Variants in MYT1L observed in about 807,000 individuals in gnomAD.
MYT1L encodes the protein myelin transcription factor 1 like.
A neutral mutation model predicts 126.7 loss-of-function variants in MYT1L; 12 were observed. That is an observed-to-expected ratio of 0.09 (90% CI 0.06 to 0.15). The LOEUF (loss-of-function observed/expected upper bound fraction) is 0.15, where lower values mean the gene tolerates loss of function less well. Among genes scored for constraint, MYT1L ranks in the 10% least tolerant of loss-of-function variants. The probability of loss-of-function intolerance (pLI) is 1.00; values close to 1 mark genes in which losing one functional copy is unlikely to be tolerated. For missense variants in MYT1L, 979 were observed against 1,585.2 expected, an observed-to-expected ratio of 0.62 and a Z score of 6.49; for synonymous variants, 541 against 604.2, an observed-to-expected ratio of 0.90 and a Z score of 1.53.
chr2:2,068,540 A>G (rs2074157821), intron 3 of MYT1L, among the ~76,000 whole-genome samples: 1 of 152,204 alleles, frequency 6.6e-6, no homozygotes, highest in African/African-American at 2.4e-5. Context: ...CATCATTTAA[A>G]TCCTCAATAA....
intron 3 of MYT1L, among the ~76,000 whole-genome samples, chr2:2,086,616 C>T (rs929007347): frequency 5.3e-5 from 8 of 152,156 alleles, no homozygotes; most frequent in Non-Finnish European, 1.2e-4. Context: ...ACCCCCTTAG[C>T]TGAAGGTCCC....
intron 4 of MYT1L, among the ~76,000 whole-genome samples, chr2:2,014,260 G>A (rs1028613175): frequency 7.9e-5 from 12 of 151,162 alleles, no homozygotes; most frequent in Admixed American, 3.3e-4. Flanking sequence ...GGCAAATTGG[G>A]GATTTAATGC....
At chr2:2,225,380 C>G (rs1268864260) in intron 2 of MYT1L, among the ~76,000 whole-genome samples, 1 of 152,082 alleles carries the variant, frequency 6.6e-6, no homozygotes, top group Non-Finnish European at 1.5e-5. Flanking sequence ...TTGAAAGCTC[C>G]CAAGGCAGCA....
intron 14 of MYT1L, 38 bp from the exon 15 acceptor site, chr2:1,892,325 C>T (rs975592689): frequency 2.0e-6 from 3 of 1,537,580 alleles, no homozygotes; most frequent in African/African-American, 1.4e-5. Flanking sequence ...AGGCCCCGGC[C>T]GCAGGGCACA....
At chr2:2,015,522 T>C (rs1160956259) in intron 4 of MYT1L, among the ~76,000 whole-genome samples, 3 of 152,282 alleles carry the variant, frequency 2.0e-5, no homozygotes, top group East Asian at 1.9e-4. Context: ...CTTTGGGCCT[T>C]CCAAGCAAAA....
intron 3 of MYT1L, among the ~76,000 whole-genome samples, chr2:2,072,474 C>A (rs770039024): frequency 6.6e-6 from 1 of 152,188 alleles, no homozygotes; most frequent in African/African-American, 2.4e-5. Context: ...GTCCTCAATT[C>A]TGCCAGAAAA....
chr2:2,063,747 G>T (rs2070851608), intron 3 of MYT1L, among the ~76,000 whole-genome samples: 2 of 152,152 alleles, frequency 1.3e-5, no homozygotes, highest in South Asian at 4.1e-4. Context: ...GGTATGCTGA[G>T]GGAGGAGAAT....
At chr2:2,216,026 T>C (rs1403350927) in intron 2 of MYT1L, among the ~76,000 whole-genome samples, 5 of 151,542 alleles carry the variant, frequency 3.3e-5, no homozygotes, top group Admixed American at 3.3e-4. Flanking sequence ...CTCTCTCTCT[T>C]TTGTGTCTGT....
rs1321824510 is a variant in MYT1L, at chr2:1,889,719, TCTCC to T, written c.2284-246_2284-243del. 1.3e-5 allele frequency among the ~76,000 whole-genome samples: 2 copies of T among 152,062 alleles called. No individual in the cohort carries two copies. The highest frequency in any genetic ancestry group is 6.6e-5 in the Admixed American group (1 of 15,252). On this transcript the variant is annotated intron_variant, in intron 15 of 24. Coordinates refer to ENST00000647738, the MANE Select transcript of MYT1L (RefSeq NM_001303052.2). This position sits in a 1 kb window ranked among gnomAD's most constrained non-coding sequence, Gnocchi z 4.1. The stretch of plus-strand genomic sequence containing the variant: ...CCAGGCATCCATCCCGCCATCCCTC[TCTCC>T]CTCCCTCCCTCCATTTCCCTATTTA...
chr2:1,937,858 C>T (rs908782507), intron 9 of MYT1L, among the ~76,000 whole-genome samples: 4 of 152,162 alleles, frequency 2.6e-5, no homozygotes, highest in African/African-American at 9.7e-5. Flanking sequence ...GGCCAGCAGC[C>T]CAGGACACCA....
chr2:2,252,019 T>C (rs962429252), intron 2 of MYT1L, among the ~76,000 whole-genome samples: 1 of 151,896 alleles, frequency 6.6e-6, no homozygotes, highest in Non-Finnish European at 1.5e-5. Flanking sequence ...TGAAATGAGA[T>C]TTACCTGAAG....
chr2:2,236,002 A>G (rs1176075008), intron 2 of MYT1L, among the ~76,000 whole-genome samples: 1 of 152,146 alleles, frequency 6.6e-6, no homozygotes, highest in East Asian at 1.9e-4. Flanking sequence ...TACCCTTCAT[A>G]TTCCCAAAGG....
At chr2:2,271,800 C>A (rs1024520133) in intron 2 of MYT1L, among the ~76,000 whole-genome samples, 7 of 152,166 alleles carry the variant, frequency 4.6e-5, no homozygotes, top group Admixed American at 4.6e-4. Flanking sequence ...GGATGCCATG[C>A]CCATGACCTC....
intron 8 of MYT1L, among the ~76,000 whole-genome samples, chr2:1,965,005 T>C (rs2059229311): frequency 6.6e-6 from 1 of 152,236 alleles, no homozygotes; most frequent in African/African-American, 2.4e-5. Flanking sequence ...TGAAAATGGC[T>C]GTGAGAGCTC....
At chr2:1,906,232 T>C (rs552210831) in intron 13 of MYT1L, among the ~76,000 whole-genome samples, 1 of 152,340 alleles carries the variant, frequency 6.6e-6, no homozygotes, top group African/African-American at 2.4e-5. Context: ...AGTTAGAATC[T>C]TACACTTTTA....
Position 1,917,124 on chromosome 2 carries a change from A to T in MYT1L, c.1618+81T>A. 4 of 1,513,150 alleles carry T rather than the reference A, an allele frequency of 2.6e-6. No homozygotes were observed. Among genetic ancestry groups the T allele is most frequent in the Non-Finnish European group, 2.7e-6 (3 of 1,111,286 alleles). 93.7% of individuals were successfully genotyped at this position (1,513,150 alleles called of 1,614,324 possible). On this transcript the variant is annotated intron_variant, in intron 11 of 24. Transcript: ENST00000647738. The surrounding 1 kb of genome is among the most constrained non-coding windows in gnomAD (Gnocchi z 5.9). ...GGTCGCACCGAGCCGTACAATGGAG[A>T]TGATGTCAGGTAAGAGGGATGACAG...
chr2:2,296,725 A>C (rs2095700110), intron 1 of MYT1L, among the ~76,000 whole-genome samples: 1 of 152,150 alleles, frequency 6.6e-6, no homozygotes, highest in Non-Finnish European at 1.5e-5. Flanking sequence ...CTGCTGCCCC[A>C]GGGCACCATG....
chr2:2,065,662 G>A (rs1294218519), intron 3 of MYT1L, among the ~76,000 whole-genome samples: 4 of 152,038 alleles, frequency 2.6e-5, no homozygotes, highest in South Asian at 2.1e-4. Flanking sequence ...CAATGAGTTC[G>A]CACTCAGAAC....
In MYT1L at chr2:2,197,785, T is replaced by C. The variant is rs528514262; in HGVS notation, c.-420-24797A>G. Among the ~76,000 whole-genome samples, 3 of 149,986 alleles carry C rather than the reference T, an allele frequency of 2.0e-5. No homozygotes were observed. The South Asian group carries it at 6.3e-4, about 32-fold the overall frequency. On this transcript the variant is annotated intron_variant, in intron 2 of 24. Transcript: ENST00000647738. ...CACACAATGAATGTGTAGAGATGTATATAACATATACACACATATATACAC... is the reference window on the plus strand; with the variant it reads ...CACACAATGAATGTGTAGAGATGTACATAACATATACACACATATATACAC...
Sources: gnomAD v4.1 joint callset for allele counts (sites outside exome capture counted in the v4.1 genomes callset) on GRCh38, gnomAD v4.1.1 for gene constraint, Gnocchi (gnomAD v3.1) non-coding constraint, MANE v1.5 for transcripts, NCBI Gene and HGNC (gene_info 2026-07-23, HGNC 2026-07-21) for gene names.